CACNA1E: variants seen among roughly 807,000 people sequenced by gnomAD.
The protein encoded by CACNA1E is calcium voltage-gated channel subunit alpha1 E.
A neutral mutation model predicts 259.2 loss-of-function variants in CACNA1E; 40 were observed. The observed-to-expected ratio is 0.15, with a 90% CI of 0.12 to 0.20. CACNA1E has a LOEUF of 0.20. Among genes scored for constraint, CACNA1E ranks in the 10% least tolerant of loss-of-function variants. The pLI is 1.00. For missense variants in CACNA1E, 1,874 were observed against 3,040.1 expected (o/e 0.62, Z 9.02); for synonymous variants, 1,104 against 1,138.5 (o/e 0.97, Z 0.61).
chr1:181,786,126 T>C (rs1660826467), intron 43 of CACNA1E, among the ~76,000 whole-genome samples: 1 of 152,194 alleles, frequency 6.6e-6, no homozygotes, highest in Non-Finnish European at 1.5e-5. Flanking sequence ...ACAACAGAAC[T>C]ACAACTAATT....
intron 18 of CACNA1E, among the ~76,000 whole-genome samples, chr1:181,728,207 G>A (rs181046274): frequency 1.8e-4 from 28 of 152,310 alleles, no homozygotes; most frequent in Admixed American, 1.2e-3. Flanking sequence ...CTGTCACTTA[G>A]GAGTGGGTGG....
intron 1 of CACNA1E, among the ~76,000 whole-genome samples, chr1:181,373,772 G>A (rs1016955246): frequency 6.6e-6 from 1 of 152,068 alleles, no homozygotes; most frequent in Non-Finnish European, 1.5e-5. Context: ...TGATCCGCCC[G>A]CCTTGGCCTC....
Position 181,341,098 on chromosome 1 carries a change from C to T in CACNA1E, c.-15+22975C>T, listed in dbSNP as rs566689512. The stretch of plus-strand genomic sequence containing the variant: ...CAGTCCAGGTTCTTAAAGTTACTCC[C>T]GCGTCCTGATGGTGGTCCTGCCCTC... On this transcript the variant is annotated intron_variant, in intron 1 of 11. Coordinates refer to the CACNA1E transcript ENST00000524607. 5.3e-5 allele frequency among the ~76,000 whole-genome samples: 8 copies of T among 152,092 alleles called. No homozygotes were observed. The South Asian group carries it at 6.2e-4, about 12-fold the overall frequency.
At chr1:181,646,558 G>A (rs192073821) in intron 6 of CACNA1E, among the ~76,000 whole-genome samples, 1 of 152,300 alleles carries the variant, frequency 6.6e-6, no homozygotes, top group East Asian at 1.9e-4. Context: ...AGGCAATTCA[G>A]CCTCCCAGGT....
At chr1:181,426,266 C>T (rs541838617) in intron 2 of CACNA1E, among the ~76,000 whole-genome samples, 47 of 152,016 alleles carry the variant, frequency 3.1e-4, no homozygotes, top group Admixed American at 1.5e-3. Context: ...ATCTCAAGTC[C>T]TCCCCATTTC....
intron 35 of CACNA1E, among the ~76,000 whole-genome samples, chr1:181,770,200 A>G (rs1298724086): frequency 6.6e-6 from 1 of 152,238 alleles, no homozygotes; most frequent in Non-Finnish European, 1.5e-5. Flanking sequence ...AGCATGTTCA[A>G]TGCAGGCTGA....
At chr1:181,383,490 A>G (rs1211853917) in intron 1 of CACNA1E, among the ~76,000 whole-genome samples, 1 of 152,206 alleles carries the variant, frequency 6.6e-6, no homozygotes, top group African/African-American at 2.4e-5. Context: ...CTTAGAACTA[A>G]GAAAGTATGT....
Position 181,750,560 on chromosome 1 carries a change from G to C in CACNA1E, c.3731+73G>C, listed in dbSNP as rs55825927. 3,583 of 1,403,978 alleles carry C rather than the reference G, an allele frequency of 2.6e-3. 75 individuals are homozygous for C. In the African/African-American group the frequency reaches 0.041, roughly 16 times the overall value. The allele number at this position is 1,403,978 out of a possible 1,614,324, so 87.0% of individuals were successfully genotyped here. On this transcript the variant is annotated intron_variant, in intron 26 of 47. Coordinates refer to ENST00000367573, the MANE Select transcript of CACNA1E (RefSeq NM_001205293.3). ...TGGAGGAGCGAGAAAGTATGGTTGG[G>C]AGGGGAGGGGCTCACGCACTGAGAA...
Position 181,799,528 on chromosome 1 carries a change from G to T in CACNA1E, c.*694G>T, listed in dbSNP as rs1160236110. ...GGGAGACAGAGAAACAGAACTGGTGGTGCTGGGGGGTATAGCCCCCCATCC... is the reference window on the plus strand; with the variant it reads ...GGGAGACAGAGAAACAGAACTGGTGTTGCTGGGGGGTATAGCCCCCCATCC... On this transcript the variant is annotated 3_prime_UTR_variant, in exon 48 of 48. Coordinates refer to ENST00000367573, the MANE Select transcript of CACNA1E (RefSeq NM_001205293.3). 6.5e-6 allele frequency: 1 copy of T among 152,830 alleles called. No homozygotes were observed. Among genetic ancestry groups the T allele is most frequent in the Non-Finnish European group, 1.5e-5 (1 of 68,204 alleles). The allele number at this position is 152,830 out of a possible 1,614,324, so 9.5% of individuals were successfully genotyped here.
At chr1:181,601,701 A>G (rs901963488) in intron 6 of CACNA1E, among the ~76,000 whole-genome samples, 1 of 152,188 alleles carries the variant, frequency 6.6e-6, no homozygotes, top group Non-Finnish European at 1.5e-5. Context: ...GAGTTAGTGC[A>G]GTCTCTCCCT....
intron 25 of CACNA1E, among the ~76,000 whole-genome samples, chr1:181,746,878 G>A (rs1252217988): frequency 2.0e-5 from 3 of 152,134 alleles, no homozygotes; most frequent in Non-Finnish European, 4.4e-5. Flanking sequence ...CTGAATCCCA[G>A]CACTATTATT....
intron 27 of CACNA1E, among the ~76,000 whole-genome samples, chr1:181,754,942 G>A (rs1657954234): frequency 6.6e-6 from 1 of 152,218 alleles, no homozygotes; most frequent in Non-Finnish European, 1.5e-5. Flanking sequence ...CCCGTACCAG[G>A]ATCACACAGA....
intron 3 of CACNA1E, among the ~76,000 whole-genome samples, chr1:181,552,474 C>T (rs1378505622): frequency 6.6e-6 from 1 of 151,808 alleles, no homozygotes; most frequent in East Asian, 1.9e-4. Flanking sequence ...CAACTATCTA[C>T]TTGTCTAACC....
At chr1:181,463,748 C>T (rs973237406) in intron 2 of CACNA1E, among the ~76,000 whole-genome samples, 3 of 152,038 alleles carry the variant, frequency 2.0e-5, no homozygotes, top group Admixed American at 1.3e-4. Context: ...CCCCACATGA[C>T]TTGTCTTTTT....
rs543622876 is a variant in CACNA1E, at chr1:181,733,919, G to A, written c.3262+169G>A. Among the ~76,000 whole-genome samples the A allele has an allele frequency of 3.9e-5, 6 of 152,328 alleles. 1 individual carries two copies. In the South Asian group the frequency reaches 1.0e-3, roughly 26 times the overall value. On this transcript the variant is annotated intron_variant, in intron 21 of 47. Transcript: ENST00000367573. ...CAGTGTGCAGAACAAAAATAAGCTA[G>A]CGTTCTCTTCATCTTAAATTTTTCC...
intron 1 of CACNA1E, among the ~76,000 whole-genome samples, chr1:181,357,852 G>A (rs1370555306): frequency 1.3e-5 from 2 of 152,156 alleles, no homozygotes; most frequent in Non-Finnish European, 2.9e-5. Flanking sequence ...CTGCCTCTTA[G>A]CATCATGAAT....
chr1:181,541,528 C>T (rs898472677), intron 3 of CACNA1E, among the ~76,000 whole-genome samples: 18 of 152,044 alleles, frequency 1.2e-4, no homozygotes, highest in African/African-American at 3.9e-4. Flanking sequence ...TAAATTGATG[C>T]TCATCTCCCA....
intron 6 of CACNA1E, among the ~76,000 whole-genome samples, chr1:181,632,371 A>T (rs1389276821): frequency 1.3e-5 from 2 of 152,120 alleles, no homozygotes; most frequent in Non-Finnish European, 2.9e-5. Flanking sequence ...AAGTGCTGCC[A>T]CTGGCTCTCT....
intron 43 of CACNA1E, among the ~76,000 whole-genome samples, chr1:181,786,969 A>C (rs538179252): frequency 6.6e-6 from 1 of 152,080 alleles, no homozygotes; most frequent in East Asian, 1.9e-4. Flanking sequence ...TTTTTTTTTA[A>C]ATAATTTGAT....
Sources: gnomAD v4.1 joint callset for allele counts (sites outside exome capture counted in the v4.1 genomes callset) on GRCh38, gnomAD v4.1.1 for gene constraint, MANE v1.5 for transcripts, NCBI Gene and HGNC (gene_info 2026-07-23, HGNC 2026-07-21) for gene names.